Variants in CNTN6 observed in about 807,000 individuals in gnomAD.
CNTN6 encodes the protein contactin 6, also known as contactin-6.
A neutral mutation model predicts 122.8 loss-of-function variants in CNTN6; 137 were observed. That is an observed-to-expected ratio of 1.12 (90% CI 0.97 to 1.29). The LOEUF (loss-of-function observed/expected upper bound fraction) is 1.29. CNTN6 is among the 50% of genes most tolerant of loss of function. The pLI is 0.00. For missense variants in CNTN6, 1,634 were observed against 1,223.4 expected (o/e 1.34, Z -5.01); for synonymous variants, 570 against 426.0 (o/e 1.34, Z -4.16).
intron 7 of CNTN6, among the ~76,000 whole-genome samples, chr3:1,318,665 C>T (rs1206323897): frequency 1.3e-5 from 2 of 151,730 alleles, no homozygotes; most frequent in Non-Finnish European, 2.9e-5. Flanking sequence ...AATCCTATAG[C>T]TCTGGAGAGA....
intron 1 of CNTN6, among the ~76,000 whole-genome samples, chr3:1,102,294 G>A (rs1046714260): frequency 1.3e-5 from 2 of 152,156 alleles, no homozygotes; most frequent in Admixed American, 1.3e-4. Context: ...TATACTTGCT[G>A]GAATAGAGCT....
chr3:1,244,796 G>T (rs1372638579), intron 4 of CNTN6, among the ~76,000 whole-genome samples: 1 of 152,022 alleles, frequency 6.6e-6, no homozygotes, highest in East Asian at 2.0e-4. Flanking sequence ...GTCAAAGGGG[G>T]TTGTTCTCTG....
At chr3:1,348,409 C>G (rs917789372) in intron 11 of CNTN6, among the ~76,000 whole-genome samples, 1 of 151,870 alleles carries the variant, frequency 6.6e-6, no homozygotes, top group Admixed American at 6.6e-5. Flanking sequence ...TCTTCCAGAG[C>G]AGGGGAACGG....
chr3:1,378,631 T>G (rs561956229), intron 17 of CNTN6, among the ~76,000 whole-genome samples: 1 of 152,136 alleles, frequency 6.6e-6, no homozygotes, highest in African/African-American at 2.4e-5. Flanking sequence ...TTTTCAAGCA[T>G]TTACAGGATT....
chr3:1,287,503 A>G (rs1331870402), intron 5 of CNTN6, among the ~76,000 whole-genome samples: 4 of 152,176 alleles, frequency 2.6e-5, no homozygotes, highest in Non-Finnish European at 5.9e-5. Context: ...ATATATTTGT[A>G]TCCTATGACT....
intron 11 of CNTN6, among the ~76,000 whole-genome samples, chr3:1,345,406 A>G (rs1704534698): frequency 6.6e-6 from 1 of 152,128 alleles, no homozygotes; most frequent in Non-Finnish European, 1.5e-5. Context: ...ATGAACCACC[A>G]TGCCCAGCCA....
intron 12 of CNTN6, among the ~76,000 whole-genome samples, chr3:1,357,749 T>G (rs1265664572): frequency 6.6e-6 from 1 of 151,916 alleles, no homozygotes; most frequent in Non-Finnish European, 1.5e-5. Flanking sequence ...GCAGCCTTCA[T>G]TCATTAGAGT....
chr3:1,266,456 C>G (rs557333207), intron 4 of CNTN6, among the ~76,000 whole-genome samples: 2 of 152,138 alleles, frequency 1.3e-5, no homozygotes, highest in Non-Finnish European at 2.9e-5. Flanking sequence ...AAACTCAGAG[C>G]TTATGTCCAT....
chr3:1,239,087 C>G (rs192245030), intron 4 of CNTN6, among the ~76,000 whole-genome samples: 170 of 152,164 alleles, frequency 1.1e-3, no homozygotes, highest in Non-Finnish European at 1.9e-3. Flanking sequence ...TAGATTAAAC[C>G]AGTAAGATAT....
intron 2 of CNTN6, among the ~76,000 whole-genome samples, chr3:1,163,099 C>T (rs751520008): frequency 6.6e-6 from 1 of 152,092 alleles, no homozygotes; most frequent in Admixed American, 6.6e-5. Context: ...AGATGAGAAG[C>T]GTTACACAGT....
At chr3:1,105,997 C>T (rs1034906370) in intron 1 of CNTN6, among the ~76,000 whole-genome samples, 27 of 152,054 alleles carry the variant, frequency 1.8e-4, no homozygotes, top group African/African-American at 6.0e-4. Flanking sequence ...TAATCCACTC[C>T]ATGATGAAGC....
chr3:1,230,340 A>G (rs1039170843), intron 4 of CNTN6, among the ~76,000 whole-genome samples: 1 of 152,188 alleles, frequency 6.6e-6, no homozygotes, highest in Non-Finnish European at 1.5e-5. Context: ...TAGCCACCAC[A>G]TAGGACAGTG....
intron 2 of CNTN6, among the ~76,000 whole-genome samples, chr3:1,153,275 A>G (rs533375254): frequency 4.7e-4 from 72 of 152,344 alleles, no homozygotes; most frequent in African/African-American, 1.7e-3. Flanking sequence ...GCAGACTAGA[A>G]TCAAAGCCCT....
At chr3:1,332,550 GAGAAA>G in intron 11 of CNTN6, among the ~76,000 whole-genome samples, 2 of 151,060 alleles carry the variant, frequency 1.3e-5, no homozygotes, top group Non-Finnish European at 2.9e-5. Flanking sequence ...AAGGAAGGAA[GAGAAA>G]GAGGGGGAAA....
At chr3:1,245,235 TACACACACACATATATATATAACA>T (rs2094551661) in intron 4 of CNTN6, among the ~76,000 whole-genome samples, 1 of 6,928 alleles carries the variant, frequency 1.4e-4, no homozygotes, top group East Asian at 2.7e-3. Context: ...TATATATATA[TACACACACACATATATATATAACA>T]TATATATATA....
At chr3:1,244,385 C>A (rs1229619684) in intron 4 of CNTN6, among the ~76,000 whole-genome samples, 2 of 147,798 alleles carry the variant, frequency 1.4e-5, no homozygotes, top group Non-Finnish European at 3.0e-5. Flanking sequence ...GGGTACTTGG[C>A]CCTGCCCCAG....
At chr3:1,176,379 G>A (rs960314840) in intron 2 of CNTN6, among the ~76,000 whole-genome samples, 4 of 152,076 alleles carry the variant, frequency 2.6e-5, no homozygotes, top group African/African-American at 4.8e-5. Context: ...ATCGTGCACC[G>A]CACCTGGGCA....
chr3:1,204,391 A>C (rs3772353), intron 2 of CNTN6, among the ~76,000 whole-genome samples: 17,012 of 152,214 alleles, frequency 0.11, 1,805 homozygotes, highest in East Asian at 0.49. Flanking sequence ...TAATAGGGTC[A>C]AATACCCAGA....
At chr3:1,352,507 AT>A in intron 12 of CNTN6, 56 bp downstream of exon 12, 1 of 1,584,064 alleles carries the variant, frequency 6.3e-7, no homozygotes, top group Non-Finnish European at 8.6e-7. Flanking sequence ...CAGGCATATT[AT>A]GACTTGTGTT....
Sources: allele counts gnomAD v4.1 joint callset (sites outside exome capture counted in the v4.1 genomes callset), GRCh38; gene constraint gnomAD v4.1.1; transcripts MANE v1.5; gene names NCBI Gene and HGNC (gene_info 2026-07-23, HGNC 2026-07-21).